The following DACH2 variants were observed in gnomAD, a reference collection of about 807,000 sequenced individuals.
DACH2 encodes dachshund homolog 2.
A neutral mutation model predicts 35.8 loss-of-function variants in DACH2; 17 were observed. The observed-to-expected ratio is 0.48, with a 90% CI of 0.33 to 0.71. The LOEUF (loss-of-function observed/expected upper bound fraction) is 0.71, where lower values mean the gene tolerates loss of function less well. DACH2 is among the 30% of genes least tolerant of loss of function. DACH2 has a pLI of 0.02. For synonymous variants in DACH2, 195 were observed against 177.3 expected (o/e 1.10, Z -0.79); for missense variants, 469 against 472.7 (o/e 0.99, Z 0.07).
intron 1 of DACH2, among the ~76,000 whole-genome samples, chrX:86,349,491 T>C (rs1482403787): frequency 8.9e-6 from 1 of 112,180 alleles, no homozygotes; most frequent in East Asian, 2.9e-4. Context: ...GTGCCTGTCC[T>C]CACCTGGGTC....
intron 2 of DACH2, among the ~76,000 whole-genome samples, chrX:86,399,780 G>A (rs1279833936): frequency 2.7e-5 from 3 of 111,740 alleles, no homozygotes; most frequent in Non-Finnish European, 3.8e-5. Context: ...TCCTTTGTGG[G>A]TAACCAGACC....
chrX:86,330,020 G>T (rs2148047711), intron 1 of DACH2, among the ~76,000 whole-genome samples: 1 of 111,681 alleles, frequency 9.0e-6, no homozygotes, highest in Admixed American at 9.5e-5. Flanking sequence ...AGTGGTCACT[G>T]GTGACGCCAA....
chrX:86,339,629 T>C (rs1365991548), intron 1 of DACH2, among the ~76,000 whole-genome samples: 7 of 111,371 alleles, frequency 6.3e-5, no homozygotes, highest in Non-Finnish European at 3.8e-5. Context: ...AGCTAATAAG[T>C]GGTGGAGCTC....
At chrX:86,745,583 G>C (rs1286061744) in intron 7 of DACH2, among the ~76,000 whole-genome samples, 1 of 111,354 alleles carries the variant, frequency 9.0e-6, no homozygotes, top group Non-Finnish European at 1.9e-5. Context: ...TGCTGCAAAG[G>C]ACATCGTCCT....
intron 1 of DACH2, among the ~76,000 whole-genome samples, chrX:86,191,448 A>C (rs779511348): frequency 1.1e-4 from 12 of 111,143 alleles, no homozygotes; most frequent in Admixed American, 1.9e-4. Context: ...GACACAAAGA[A>C]GGGAACAACA....
intron 2 of DACH2, among the ~76,000 whole-genome samples, chrX:86,444,282 G>A (rs185264652): frequency 9.0e-6 from 1 of 110,632 alleles, no homozygotes; most frequent in East Asian, 2.9e-4. Context: ...TAGAGACAGG[G>A]TCTTGCTATG....
chrX:86,809,043 T>G (rs2042371231), intron 7 of DACH2, among the ~76,000 whole-genome samples: 1 of 111,832 alleles, frequency 8.9e-6, no homozygotes, highest in Non-Finnish European at 1.9e-5. Context: ...TCTAAGTGGA[T>G]GCCCAAGTGC....
chrX:86,289,769 G>A (rs1426113842), intron 1 of DACH2, among the ~76,000 whole-genome samples: 12 of 109,252 alleles, frequency 1.1e-4, no homozygotes, highest in African/African-American at 3.7e-4. Flanking sequence ...TTTTATGGCT[G>A]CATAGTATCC....
intron 2 of DACH2, among the ~76,000 whole-genome samples, chrX:86,439,388 T>G (rs956751519): frequency 8.9e-6 from 1 of 111,855 alleles, no homozygotes; most frequent in African/African-American, 3.2e-5. Context: ...TTGCTGTGAA[T>G]AAGTTTTTTA....
intron 3 of DACH2, among the ~76,000 whole-genome samples, chrX:86,612,107 G>C (rs1488664875): frequency 9.2e-6 from 1 of 108,214 alleles, no homozygotes; most frequent in Admixed American, 1.0e-4. Context: ...CTTCAAGGTA[G>C]TGGGTTCCCT....
At chrX:86,453,318 G>A (rs1057059016) in intron 2 of DACH2, among the ~76,000 whole-genome samples, 2 of 111,912 alleles carry the variant, frequency 1.8e-5, no homozygotes, top group Admixed American at 1.9e-4. Context: ...GAGTTCTGTC[G>A]ATATCAGATC....
At chrX:86,777,272 C>T (rs946847966) in intron 7 of DACH2, among the ~76,000 whole-genome samples, 21 of 110,604 alleles carry the variant, frequency 1.9e-4, no homozygotes, top group East Asian at 8.6e-4. Context: ...TTTTAATGAT[C>T]GCCATTCTAA....
intron 3 of DACH2, among the ~76,000 whole-genome samples, chrX:86,586,291 T>C (rs988728182): frequency 1.8e-5 from 2 of 111,619 alleles, no homozygotes; most frequent in Non-Finnish European, 3.8e-5. Flanking sequence ...TTGCTTAAGT[T>C]CCTTAATGAT....
At chrX:86,703,452 A>G (rs926818163) in intron 5 of DACH2, among the ~76,000 whole-genome samples, 1 of 111,181 alleles carries the variant, frequency 9.0e-6, no homozygotes, top group African/African-American at 3.3e-5. Context: ...AAGAAAAGAC[A>G]TACAAATAGG....
intron 7 of DACH2, among the ~76,000 whole-genome samples, chrX:86,803,773 ATAAT>A (rs1478798524): frequency 3.6e-5 from 4 of 110,766 alleles, no homozygotes; most frequent in African/African-American, 1.3e-4. Context: ...AATAAAATAA[ATAAT>A]TATATTATAT....
chrX:86,585,723 T>C (rs1333983161), intron 3 of DACH2, among the ~76,000 whole-genome samples: 1 of 111,452 alleles, frequency 9.0e-6, no homozygotes, highest in Non-Finnish European at 1.9e-5. Context: ...TTCATCCATG[T>C]TGCAGCAAAG....
intron 7 of DACH2, among the ~76,000 whole-genome samples, chrX:86,760,787 C>CT (rs747710574): frequency 9.8e-4 from 101 of 102,602 alleles, no homozygotes; most frequent in Admixed American, 1.5e-3. Context: ...TTCCTCTGTC[C>CT]TTTTTTTTTT....
intron 2 of DACH2, among the ~76,000 whole-genome samples, chrX:86,486,460 C>T (rs1477791124): frequency 9.0e-6 from 1 of 110,636 alleles, no homozygotes; most frequent in Non-Finnish European, 1.9e-5. Flanking sequence ...TGTGAAGTTC[C>T]AGCTTCCTTT....
At chrX:86,515,604 T>C (rs2038455682) in intron 3 of DACH2, among the ~76,000 whole-genome samples, 1 of 111,981 alleles carries the variant, frequency 8.9e-6, no homozygotes, top group South Asian at 3.7e-4. Flanking sequence ...CAATTTAAGT[T>C]TTTCCCTTTA....
Sources: gnomAD v4.1 joint callset for allele counts (sites outside exome capture counted in the v4.1 genomes callset) on GRCh38, gnomAD v4.1.1 for gene constraint, MANE v1.5 for transcripts, NCBI Gene and HGNC (gene_info 2026-07-23, HGNC 2026-07-21) for gene names.